Variants in WDR33 observed in about 807,000 individuals in gnomAD.
WDR33 encodes the protein WD repeat domain 33.
WDR33 carries 47 observed loss-of-function variants against 164.9 expected under a neutral mutation model. That is an observed-to-expected ratio of 0.29 (90% CI 0.23 to 0.36). The LOEUF is 0.36. Among genes scored for constraint, WDR33 ranks in the 10% least tolerant of loss-of-function variants. WDR33 has a pLI of 1.00. For missense variants in WDR33, 1,137 were observed against 1,754.1 expected, an observed-to-expected ratio of 0.65 and a Z score of 6.28; for synonymous variants, 505 against 589.0, an observed-to-expected ratio of 0.86 and a Z score of 2.06.
At chr2:127,788,236 A>T (rs1331282062) in intron 1 of WDR33, among the ~76,000 whole-genome samples, 4 of 102,392 alleles carry the variant, frequency 3.9e-5, no homozygotes, top group African/African-American at 4.0e-5. Context: ...GCGGCTGGCC[A>T]GGCAGGGGGC....
At position 127,701,861 on chromosome 2, in the gene WDR33, C is replaced by A. The variant is rs758440435; in HGVS notation, c.*4462G>T. The A allele has an allele frequency of 1.4e-6, 2 of 1,460,554 alleles. No individual in the cohort carries two copies. Among genetic ancestry groups the A allele is most frequent in the East Asian group, 3.1e-5 (1 of 32,490 alleles). 90.5% of individuals were successfully genotyped at this position (1,460,554 alleles called of 1,614,324 possible). The stretch of plus-strand genomic sequence containing the variant: ...TGCGCGCGCGCAAGTTCGCGCTGCT[C>A]TGGTCACTGGGCTCGGCGCTGGCGT... On this transcript the variant is annotated 3_prime_UTR_variant, in exon 22 of 22. Coordinates refer to ENST00000322313, the MANE Select transcript of WDR33 (RefSeq NM_018383.5).
At chr2:127,780,795 C>T (rs1298523447) in intron 1 of WDR33, among the ~76,000 whole-genome samples, 1 of 152,174 alleles carries the variant, frequency 6.6e-6, no homozygotes, top group Non-Finnish European at 1.5e-5. Context: ...CATGATCACA[C>T]CACTGCACTC....
chr2:127,783,117 G>C (rs564772513), intron 1 of WDR33, among the ~76,000 whole-genome samples: 1 of 152,286 alleles, frequency 6.6e-6, no homozygotes, highest in East Asian at 1.9e-4. Context: ...TTTTGGTATT[G>C]TTGGGGATTC....
At chr2:127,794,004 G>A (rs1688933735) in intron 1 of WDR33, among the ~76,000 whole-genome samples, 1 of 152,110 alleles carries the variant, frequency 6.6e-6, no homozygotes, top group Non-Finnish European at 1.5e-5. Context: ...GAGTGGTGGC[G>A]CACCCGTGGC....
In WDR33 at chr2:127,717,045, A is replaced by G. The variant is rs1686318383; in HGVS notation, c.2869+110T>C. 1 of 1,128,384 alleles carries G rather than the reference A, an allele frequency of 8.9e-7. No homozygotes were observed. The highest frequency in any genetic ancestry group is 1.5e-5 in the African/African-American group (1 of 64,534). The allele number at this position is 1,128,384 out of a possible 1,614,324, so 69.9% of individuals were successfully genotyped here. A position where few individuals can be genotyped will look rare whatever the true frequency, so the allele number is the denominator to read the frequency against. On this transcript the variant is annotated intron_variant, in intron 17 of 21. Transcript: ENST00000322313. The surrounding 1 kb of genome is among the most constrained non-coding windows in gnomAD (Gnocchi z 5.6). ...GAATGACCACACCCTTATTTTGCCC[A>G]GAGGTTCAAATGACCAGTCTATCAA... is the stretch of plus-strand genomic sequence containing the variant.
Position 127,702,468 on chromosome 2 carries a change from T to C in WDR33, c.*3855A>G. On this transcript the variant is annotated 3_prime_UTR_variant, in exon 22 of 22. Transcript: ENST00000322313. ...CGGTTATTAGAAGTTGCTTTCGAAG[T>C]AACTGTGGTCTTAGGTTCGGCTGAG... The C allele has an allele frequency of 4.3e-6, 1 of 232,050 alleles. No individual in the cohort carries two copies. The highest frequency in any genetic ancestry group is 9.0e-6 in the Non-Finnish European group (1 of 111,096). The allele number at this position is 232,050 out of a possible 1,614,324, so 14.4% of individuals were successfully genotyped here. A position where few individuals can be genotyped will look rare whatever the true frequency, so the allele number is the denominator to read the frequency against.
In WDR33 at chr2:127,726,911, T is replaced by C; in HGVS notation, c.725-134A>G. 1 of 1,176,596 alleles carries C rather than the reference T, an allele frequency of 8.5e-7. No individual in the cohort carries two copies. Among genetic ancestry groups the C allele is most frequent in the South Asian group, 1.5e-5 (1 of 66,720 alleles). The allele number at this position is 1,176,596 out of a possible 1,614,324, so 72.9% of individuals were successfully genotyped here. A position where few individuals can be genotyped will look rare whatever the true frequency, so the allele number is the denominator to read the frequency against. ...CTTAAAACTTGTTTTGTGAAGACTC[T>C]TTGGCCTCTGTGTGTCTGGAAATTT... is the stretch of plus-strand genomic sequence containing the variant. On this transcript the variant is annotated intron_variant, in intron 7 of 21. Coordinates refer to ENST00000322313, the MANE Select transcript of WDR33 (RefSeq NM_018383.5). The surrounding 1 kb of genome is among the most constrained non-coding windows in gnomAD (Gnocchi z 4.8).
Position 127,720,285 on chromosome 2 carries a change from G to T in WDR33, c.1740C>A (p.Thr580=). ...GAAAAGGCTGGGGTCCGAGGAGAGG[G>T]GTGCCAGATGAGGGAGGAGGCTGAA... ...EQIQPPPSSG[T]PLLGPQPFPG... is the part of the protein sequence containing the mutation. Residue 580 remains threonine (T), a synonymous_variant, in exon 16 of 22, where the codon ACC becomes ACA. Transcript: ENST00000322313. The surrounding 1 kb of genome is among the most constrained non-coding windows in gnomAD (Gnocchi z 5.9). 6.6e-7 allele frequency: 1 copy of T among 1,523,828 alleles called. No individual in the cohort carries two copies. The highest frequency in any genetic ancestry group is 8.8e-7 in the Non-Finnish European group (1 of 1,136,292). The allele number at this position is 1,523,828 out of a possible 1,614,324, so 94.4% of individuals were successfully genotyped here. A position where few individuals can be genotyped will look rare whatever the true frequency, so the allele number is the denominator to read the frequency against.
rs757247122 is a variant in WDR33, at chr2:127,708,726, G to A, written c.3732C>T (p.His1244=). The A allele has an allele frequency of 1.9e-6, 3 of 1,613,306 alleles. No homozygotes were observed. In the East Asian group the frequency reaches 6.7e-5, roughly 36 times the overall value. The change falls in exon 21 of 22, where the codon CAC becomes CAT. Residue 1244 remains histidine (H), a synonymous_variant. Coordinates refer to ENST00000322313, the MANE Select transcript of WDR33 (RefSeq NM_018383.5). This position sits in a 1 kb window ranked among gnomAD's most constrained non-coding sequence, Gnocchi z 6.7. ...GGCCTCCTGGGGCCTCCATCTCTCT[G>A]TGCTCAGAAGTGCCTGGGCCATCAT... ...PWHDGPGTSE[H]REMEAPGGPS...
intron 1 of WDR33, among the ~76,000 whole-genome samples, chr2:127,798,367 C>CAA (rs61568967): frequency 0.023 from 444 of 19,232 alleles, 89 homozygotes; most frequent in African/African-American, 0.073. Flanking sequence ...GACACCGTCG[C>CAA]AAAAAAAAAA....
At position 127,719,416 on chromosome 2, in the gene WDR33, C is replaced by T; in HGVS notation, c.2609G>A (p.Gly870Glu). 6.5e-7 allele frequency: 1 copy of T among 1,540,760 alleles called. No homozygotes were observed. Among genetic ancestry groups the T allele is most frequent in the Non-Finnish European group, 8.7e-7 (1 of 1,145,972 alleles). The change falls in exon 16 of 22, where the codon GGA becomes GAA. Residue 870 changes from glycine to glutamate, a missense_variant. By Grantham distance (98) the Gly-to-Glu change is moderately conservative. Coordinates refer to ENST00000322313, the MANE Select transcript of WDR33 (RefSeq NM_018383.5). The surrounding 1 kb of genome is among the most constrained non-coding windows in gnomAD (Gnocchi z 6.5). ...SQQGPPQGSL[G>E]PPPQGGMQGP... ...TTGCATGCCACCCTGGGGTGGAGGT[C>T]CTAAAGAGCCCTGGGGCGGCCCCTG...
chr2:127,701,885 G>A lies in WDR33; in HGVS notation c.*4438C>T, dbSNP rs953245159. On this transcript the variant is annotated 3_prime_UTR_variant, in exon 22 of 22. Coordinates refer to ENST00000322313, the MANE Select transcript of WDR33 (RefSeq NM_018383.5). The stretch of plus-strand genomic sequence containing the variant: ...TCTGGTCACTGGGCTCGGCGCTGGC[G>A]TTGGCGGGAAGCGCGCTGCTGCGGG... The A allele has an allele frequency of 1.4e-5, 21 of 1,457,124 alleles. No individual in the cohort carries two copies. Among genetic ancestry groups the A allele is most frequent in the Middle Eastern group, 2.4e-4 (1 of 4,248 alleles). 90.3% of individuals were successfully genotyped at this position (1,457,124 alleles called of 1,614,324 possible).
In WDR33 at chr2:127,708,767, G is replaced by A. The variant is rs1419257408; in HGVS notation, c.3691C>T (p.Arg1231Ter). The change falls in exon 21 of 22, where the codon CGA (arginine) becomes TGA (stop). Residue 1231 changes from arginine to a stop codon, truncating the protein, a stop_gained. Coordinates refer to ENST00000322313, the MANE Select transcript of WDR33 (RefSeq NM_018383.5). LOFTEE classifies it high-confidence loss of function. The surrounding 1 kb of genome is among the most constrained non-coding windows in gnomAD (Gnocchi z 6.7). ...QGMDMASLPP[R>*]KRPWHDGPGT... ...GGGCCATCATGCCAGGGGCGCTTTC[G>A]GGGAGGTAGGGATGCCATGTCCATG... The A allele has an allele frequency of 2.5e-6, 4 of 1,613,894 alleles. No individual in the cohort carries two copies. The highest frequency in any genetic ancestry group is 2.5e-6 in the Non-Finnish European group (3 of 1,179,902).
intron 7 of WDR33, 131 bp downstream of exon 7, chr2:127,762,931 G>T: frequency 6.9e-7 from 1 of 1,438,946 alleles, no homozygotes. Context: ...TTTTTTTGAA[G>T]AGCCTGAGAC....
intron 1 of WDR33, among the ~76,000 whole-genome samples, chr2:127,777,792 T>C (rs184764749): frequency 7.9e-4 from 120 of 152,242 alleles, no homozygotes; most frequent in African/African-American, 2.7e-3. Context: ...TTTTCATTTT[T>C]TGTAGAGACA....
rs1686345298 is a variant in WDR33 at position 127,718,327 on chromosome 2, G to A, written c.2760+938C>T. On this transcript the variant is annotated intron_variant, in intron 16 of 21. Coordinates refer to ENST00000322313, the MANE Select transcript of WDR33 (RefSeq NM_018383.5). The surrounding 1 kb of genome is among the most constrained non-coding windows in gnomAD (Gnocchi z 4.4). ...GTGTCTCAGGGAGTCAACATTAGCT[G>A]ACTCGCTCACTTTTGGTCCACACTG... Among the ~76,000 whole-genome samples, 1 of 151,992 alleles carries A rather than the reference G, an allele frequency of 6.6e-6. No individual in the cohort carries two copies. The highest frequency in any genetic ancestry group is 6.6e-5 in the Admixed American group (1 of 15,256).
Position 127,724,243 on chromosome 2 carries a change from C to A in WDR33, c.1196+90G>T. The A allele has an allele frequency of 1.0e-6, 1 of 955,426 alleles. No individual in the cohort carries two copies. Among genetic ancestry groups the A allele is most frequent in the Admixed American group, 2.5e-5 (1 of 39,464 alleles). 59.2% of individuals were successfully genotyped at this position (955,426 alleles called of 1,614,324 possible). On this transcript the variant is annotated intron_variant, in intron 11 of 21. Coordinates refer to ENST00000322313, the MANE Select transcript of WDR33 (RefSeq NM_018383.5). The surrounding 1 kb of genome is among the most constrained non-coding windows in gnomAD (Gnocchi z 4.8). Reference sequence around the variant, plus strand: ...CAAGAATAAGTTGGAATATAAATTACTATATCAATCAACCAATAAAAATAA... The same window carrying A: ...CAAGAATAAGTTGGAATATAAATTAATATATCAATCAACCAATAAAAATAA...
chr2:127,746,089 C>T (rs994310888), intron 7 of WDR33, among the ~76,000 whole-genome samples: 15 of 128,938 alleles, frequency 1.2e-4, no homozygotes, highest in African/African-American at 3.8e-4. Context: ...ATGAAGAGAA[C>T]AACTCTAATG....
rs776030542 is a variant in WDR33 at position 127,706,380 on chromosome 2, G to A, written c.3954C>T (p.Asn1318=). 16 of 1,611,168 alleles carry A rather than the reference G, an allele frequency of 9.9e-6. No homozygotes were observed. In the Admixed American group the frequency reaches 1.2e-4, roughly 12 times the overall value. ...CTCGCCTCGGCGGGCCAGAGTTCAT[G>A]TTACTCCCTCTACCCCAGTTACTGC... ...RSGSNWGRGS[N]MNSGPPRRGA... Residue 1318 remains asparagine, a synonymous_variant, in exon 22 of 22, where the codon AAC becomes AAT. Coordinates refer to ENST00000322313, the MANE Select transcript of WDR33 (RefSeq NM_018383.5). This position sits in a 1 kb window ranked among gnomAD's most constrained non-coding sequence, Gnocchi z 5.1.
Sources: gnomAD v4.1 joint callset for allele counts (sites outside exome capture counted in the v4.1 genomes callset) on GRCh38, gnomAD v4.1.1 for gene constraint, Gnocchi (gnomAD v3.1) non-coding constraint, MANE v1.5 for transcripts, NCBI Gene and HGNC (gene_info 2026-07-23, HGNC 2026-07-21) for gene names.